Variants in UNC79 observed in about 807,000 individuals in gnomAD.
UNC79 encodes unc-79 subunit of NALCN channel complex.
UNC79 carries 37 observed loss-of-function variants against 283.1 expected under a neutral mutation model. The ratio of observed to expected loss-of-function variants is 0.13; its 90% confidence interval spans 0.10 to 0.17. The LOEUF (loss-of-function observed/expected upper bound fraction) is 0.17. Among genes scored for constraint, UNC79 ranks in the 10% least tolerant of loss-of-function variants. The pLI, the probability that UNC79 is intolerant of heterozygous loss-of-function variation, is 1.00. For synonymous variants in UNC79, 1,107 were observed against 1,200.2 expected (o/e 0.92, Z 1.61); for missense variants, 2,272 against 3,211.1 (o/e 0.71, Z 7.07).
intron 1 of UNC79, among the ~76,000 whole-genome samples, chr14:93,415,726 A>C (rs1246097090): frequency 1.3e-5 from 2 of 151,528 alleles, no homozygotes; most frequent in Admixed American, 6.6e-5. Flanking sequence ...CAGAGATTCA[A>C]CTTCTTCCTG....
chr14:93,698,060 T>C (rs1030649597), intron 47 of UNC79, among the ~76,000 whole-genome samples: 1 of 152,254 alleles, frequency 6.6e-6, no homozygotes, highest in Admixed American at 6.5e-5. Context: ...TTTTCTGTTA[T>C]GGATTTGTAG....
At position 93,548,693 on chromosome 14, in the gene UNC79, C is replaced by G. The variant is rs1040950696; in HGVS notation, c.1755+5997C>G. 2.0e-5 allele frequency among the ~76,000 whole-genome samples: 3 copies of G among 152,294 alleles called. No homozygotes were observed. In the East Asian group the frequency reaches 5.8e-4, roughly 29 times the overall value. On this transcript the variant is annotated intron_variant, in intron 14 of 48. Coordinates refer to ENST00000555664, the Ensembl canonical transcript of UNC79. ...TTCCCTTTCAGGTTTTGGTCCTTTC[C>G]TCTTCCTCATTCAGGAATAATGAGT... is the stretch of plus-strand genomic sequence containing the variant.
At chr14:93,662,804 A>C (rs181890288) in intron 40 of UNC79, 90 bp downstream of exon 43, 4 of 942,824 alleles carry the variant, frequency 4.2e-6, no homozygotes, top group Non-Finnish European at 6.3e-6. Context: ...CTTTTAGCTC[A>C]GTTGCTTCCA....
chr14:93,375,209 C>T (rs150705976), intron 1 of UNC79, among the ~76,000 whole-genome samples: 2,061 of 152,100 alleles, frequency 0.014, 56 homozygotes, highest in African/African-American at 0.048. Context: ...ATTGCAAAAC[C>T]CTGTCTCTAC....
intron 1 of UNC79, among the ~76,000 whole-genome samples, chr14:93,465,617 T>C (rs912287163): frequency 2.0e-5 from 3 of 152,234 alleles, no homozygotes; most frequent in Non-Finnish European, 4.4e-5. Flanking sequence ...CATCCTTTCA[T>C]TTCATAAACA....
intron 1 of UNC79, among the ~76,000 whole-genome samples, chr14:93,452,375 A>AT (rs35284465): frequency 0.043 from 4,629 of 108,808 alleles, 381 homozygotes; most frequent in African/African-American, 0.16. Flanking sequence ...GGACTGCATG[A>AT]TTTTTTTTTT....
intron 5 of UNC79, among the ~76,000 whole-genome samples, chr14:93,490,915 A>G (rs1319376401): frequency 6.6e-6 from 1 of 152,156 alleles, no homozygotes; most frequent in African/African-American, 2.4e-5. Context: ...CCCACTTCTC[A>G]GTACCAATTT....
intron 22 of UNC79, among the ~76,000 whole-genome samples, chr14:93,589,947 G>A (rs2064534377): frequency 6.6e-6 from 1 of 152,152 alleles, no homozygotes; most frequent in South Asian, 2.1e-4. Context: ...TTTAGTCCCA[G>A]CTACTGAGAG....
chr14:93,537,179 G>A (rs750512543), intron 11 of UNC79, among the ~76,000 whole-genome samples: 43 of 152,306 alleles, frequency 2.8e-4, no homozygotes, highest in Non-Finnish European at 4.9e-4. Context: ...TCATAGGCTT[G>A]GGGCACGTCT....
rs34182907 is a variant in UNC79, at chr14:93,459,674, C to CTTTTTTTT, written c.23-7990_23-7983dup. 8.1e-4 allele frequency among the ~76,000 whole-genome samples: 73 copies of CTTTTTTTT among 90,676 alleles called. 3 individuals are homozygous for CTTTTTTTT. Among genetic ancestry groups the CTTTTTTTT allele is most frequent in the African/African-American group, 3.0e-3 (62 of 20,440 alleles). 59.5% of individuals were successfully genotyped at this position (90,676 alleles called of 152,430 possible). On this transcript the variant is annotated intron_variant, in intron 1 of 48. Coordinates refer to ENST00000555664, the Ensembl canonical transcript of UNC79. ...TGTTTTTGAACTTTGGTTTATTCAA[C>CTTTTTTTT]TTTTTTTTTTTTTTGAGACGGAGTC...
chr14:93,419,738 G>C (rs984790495), intron 1 of UNC79, among the ~76,000 whole-genome samples: 1 of 151,334 alleles, frequency 6.6e-6, no homozygotes. Context: ...ACATACAAAG[G>C]ATACACAAAA....
At chr14:93,625,737 C>T (rs1313995136) in intron 30 of UNC79, among the ~76,000 whole-genome samples, 1 of 152,136 alleles carries the variant, frequency 6.6e-6, no homozygotes, top group Non-Finnish European at 1.5e-5. Context: ...CAATGTAATC[C>T]CTCCCTGCCT....
chr14:93,642,738 G>A (rs1315607079), intron 33 of UNC79, among the ~76,000 whole-genome samples: 1 of 152,112 alleles, frequency 6.6e-6, no homozygotes, highest in Non-Finnish European at 1.5e-5. Context: ...ATGTCAATTT[G>A]TAAGAAATTT....
chr14:93,544,017 C>A (rs1177843441), intron 14 of UNC79, among the ~76,000 whole-genome samples: 1 of 152,124 alleles, frequency 6.6e-6, no homozygotes, highest in Non-Finnish European at 1.5e-5. Context: ...AAGGAAATTT[C>A]CCATTTTCTG....
At chr14:93,449,489 A>G (rs4243700) in intron 1 of UNC79, among the ~76,000 whole-genome samples, 105,780 of 151,826 alleles carry the variant, frequency 0.7, 37,268 homozygotes, top group Middle Eastern at 0.77. Context: ...GTGATGGTGC[A>G]TGCCTTTAAT....
At position 93,653,723 on chromosome 14, in the gene UNC79, C is replaced by G; in HGVS notation, c.6084-19C>G. The G allele has an allele frequency of 6.2e-6, 10 of 1,603,440 alleles. No homozygotes were observed. Among genetic ancestry groups the G allele is most frequent in the Non-Finnish European group, 7.7e-6 (9 of 1,172,492 alleles). On this transcript the variant is annotated intron_variant, in intron 35 of 48. Transcript: ENST00000555664. ...ACTGGCCCATGACTTCGTGTCTTTT[C>G]TCCCCTGTTCAACTCCAGCATGATG...
chr14:93,508,707 A>G (rs1012801641), intron 7 of UNC79, among the ~76,000 whole-genome samples: 20 of 152,172 alleles, frequency 1.3e-4, no homozygotes, highest in African/African-American at 4.8e-4. Flanking sequence ...AGGAAATCCA[A>G]TTGAGTTTAA....
chr14:93,641,285 G>T, intron 33 of UNC79, 38 bp downstream of exon 36: 1 of 1,579,330 alleles, frequency 6.3e-7, no homozygotes. Flanking sequence ...CATGTTTACA[G>T]AATTTAAGTT....
intron 30 of UNC79, among the ~76,000 whole-genome samples, chr14:93,624,500 T>C (rs2067396975): frequency 6.6e-6 from 1 of 152,132 alleles, no homozygotes; most frequent in South Asian, 2.1e-4. Context: ...AGGGTGAGTC[T>C]CTGTGATGTG....
Sources: allele counts gnomAD v4.1 joint callset (sites outside exome capture counted in the v4.1 genomes callset), GRCh38; gene constraint gnomAD v4.1.1; transcripts MANE v1.5; gene names NCBI Gene and HGNC (gene_info 2026-07-23, HGNC 2026-07-21).